DCAF8L2: variants seen among roughly 807,000 people sequenced by gnomAD.
DCAF8L2 encodes the protein DDB1 and CUL4 associated factor 8 like 2, also known as DDB1- and CUL4-associated factor 8-like protein 2.
For synonymous variants in DCAF8L2, 200 were observed against 190.9 expected, an observed-to-expected ratio of 1.05 and a Z score of -0.39; for missense variants, 430 against 490.7, an observed-to-expected ratio of 0.88 and a Z score of 1.17.
At chrX:27,725,230 T>C in intron 4 of DCAF8L2, among the ~76,000 whole-genome samples, 1 of 111,268 alleles carries the variant, frequency 9.0e-6, no homozygotes, top group South Asian at 3.7e-4. Context: ...TCTGTAAGAT[T>C]CATCCCCAGT....
chrX:27,622,249 C>G (rs768965662), intron 1 of DCAF8L2, among the ~76,000 whole-genome samples: 2 of 104,394 alleles, frequency 1.9e-5, no homozygotes, highest in South Asian at 8.3e-4. Flanking sequence ...ACGGTGAAAC[C>G]CCGTCTCTAC....
At chrX:27,514,668 CAAAAAAAAAAAAAAA>C in the DCAF8L2 span, among the ~76,000 whole-genome samples, 10 of 2,527 alleles carry the variant, frequency 4.0e-3, no homozygotes, top group Non-Finnish European at 6.6e-3. Flanking sequence ...GACTCCGTCT[CAAAAAAAAAAAAAAA>C]AAAAAAAAAA....
intron 1 of DCAF8L2, among the ~76,000 whole-genome samples, chrX:27,627,691 C>T (rs763788222): frequency 9.3e-6 from 1 of 107,079 alleles, no homozygotes; most frequent in Non-Finnish European, 1.9e-5. Flanking sequence ...GTCAGGAGAT[C>T]GAGACCCTCC....
chrX:27,587,690 T>C (rs1925929380), upstream of DCAF8L2, among the ~76,000 whole-genome samples: 1 of 111,132 alleles, frequency 9.0e-6, no homozygotes, highest in African/African-American at 3.3e-5. Context: ...AGTTAGTGGG[T>C]TGACAAACTG....
At chrX:27,486,068 C>G in the DCAF8L2 span, among the ~76,000 whole-genome samples, 1 of 105,889 alleles carries the variant, frequency 9.4e-6, no homozygotes, top group Non-Finnish European at 1.9e-5. Flanking sequence ...TGCAGTGGCA[C>G]CATCTCGGCT....
At chrX:27,704,240 G>A (rs7472353) in intron 3 of DCAF8L2, among the ~76,000 whole-genome samples, 44,483 of 95,397 alleles carry the variant, frequency 0.47, 9,363 homozygotes, top group African/African-American at 0.6. Flanking sequence ...GTACACACGT[G>A]CGCACATACG....
chrX:27,727,173 A>G (rs1286441979), intron 4 of DCAF8L2, among the ~76,000 whole-genome samples: 1 of 111,668 alleles, frequency 9.0e-6, no homozygotes, highest in Non-Finnish European at 1.9e-5. Flanking sequence ...TAGGATCATA[A>G]ACTATTTTTA....
At chrX:27,551,248 TTG>T in the DCAF8L2 span, among the ~76,000 whole-genome samples, 1 of 109,887 alleles carries the variant, frequency 9.1e-6, no homozygotes, top group African/African-American at 3.3e-5. Flanking sequence ...TTTTATTTTA[TTG>T]TAAGAAATTG....
rs183041136 is a variant in DCAF8L2, at chrX:27,704,027, T to C, written c.-142-12061T>C. On this transcript the variant is annotated intron_variant, in intron 3 of 4. Coordinates refer to ENST00000451261, the MANE Select transcript of DCAF8L2 (RefSeq NM_001353450.2). ...CTTGGATCAGCATAAAGAACTCTTA[T>C]GACTCCATAATGTAAAGATAACACA... Among the ~76,000 whole-genome samples, 370 of 99,943 alleles carry C rather than the reference T, an allele frequency of 3.7e-3. 2 individuals carry two copies. Among genetic ancestry groups the C allele is most frequent in the African/African-American group, 0.013 (346 of 25,730 alleles). The allele number at this position is 99,943 out of a possible 115,157, so 86.8% of individuals were successfully genotyped here.
At chrX:27,742,525 C>T (rs1374504288) in intron 4 of DCAF8L2, among the ~76,000 whole-genome samples, 2 of 108,061 alleles carry the variant, frequency 1.9e-5, no homozygotes, top group African/African-American at 3.4e-5. Flanking sequence ...GCCCAGATCA[C>T]GCCACTGCAC....
chrX:27,707,470 C>T (rs1931381971), intron 3 of DCAF8L2, among the ~76,000 whole-genome samples: 1 of 111,222 alleles, frequency 9.0e-6, no homozygotes, highest in Admixed American at 9.6e-5. Context: ...ACAATCATAA[C>T]ATTTAGGTGG....
At chrX:27,615,532 T>TATC (rs1170080708) in intron 1 of DCAF8L2, among the ~76,000 whole-genome samples, 1 of 108,146 alleles carries the variant, frequency 9.2e-6, no homozygotes, top group Non-Finnish European at 1.9e-5. Flanking sequence ...TCAATCTATC[T>TATC]ATCTATCTAT....
chrX:27,739,069 A>G (rs929687599), intron 4 of DCAF8L2, among the ~76,000 whole-genome samples: 3 of 110,954 alleles, frequency 2.7e-5, no homozygotes, highest in African/African-American at 9.8e-5. Context: ...CTGAATCATT[A>G]TCATTAGTAT....
the DCAF8L2 span, among the ~76,000 whole-genome samples, chrX:27,538,968 T>C: frequency 5.3e-5 from 6 of 112,476 alleles, no homozygotes; most frequent in East Asian, 8.5e-4. Flanking sequence ...TCCTAATGTG[T>C]ACCTGAAAGT....
At chrX:27,472,487 G>A in the DCAF8L2 span, among the ~76,000 whole-genome samples, 309 of 111,273 alleles carry the variant, frequency 2.8e-3, no homozygotes, top group Middle Eastern at 0.019. Context: ...CTATCAACCC[G>A]TCACCTAGGT....
the DCAF8L2 span, among the ~76,000 whole-genome samples, chrX:27,582,022 C>A: frequency 2.7e-5 from 3 of 111,983 alleles, no homozygotes; most frequent in African/African-American, 9.7e-5. Context: ...TGAAGTAGTA[C>A]TCTAGGATTT....
At chrX:27,689,378 G>A (rs1930627904) in intron 3 of DCAF8L2, among the ~76,000 whole-genome samples, 1 of 111,658 alleles carries the variant, frequency 9.0e-6, no homozygotes. Context: ...CCAAGTAGCT[G>A]GGACTACAGG....
intron 4 of DCAF8L2, among the ~76,000 whole-genome samples, chrX:27,720,620 G>T (rs1007674807): frequency 2.7e-5 from 3 of 111,291 alleles, no homozygotes; most frequent in Non-Finnish European, 3.8e-5. Flanking sequence ...TGACCCACCC[G>T]CCTCGGCCTC....
the DCAF8L2 span, chrX:27,519,238 C>T: frequency 1.1e-5 from 11 of 985,110 alleles, no homozygotes; most frequent in African/African-American, 1.5e-4. Context: ...AATTAAAGCC[C>T]AGAAATAACT....
Sources: gnomAD v4.1 joint callset for allele counts (sites outside exome capture counted in the v4.1 genomes callset) on GRCh38, gnomAD v4.1.1 for gene constraint, MANE v1.5 for transcripts, NCBI Gene and HGNC (gene_info 2026-07-23, HGNC 2026-07-21) for gene names.